The following KHDRBS2 variants were observed in gnomAD, a reference collection of about 807,000 sequenced individuals.
KHDRBS2 encodes KH domain-containing, RNA-binding, signal transduction-associated protein 2.
KHDRBS2 carries 26 observed loss-of-function variants against 44.3 expected under a neutral mutation model. The observed-to-expected ratio is 0.59, with a 90% CI of 0.43 to 0.81. The LOEUF (loss-of-function observed/expected upper bound fraction) is 0.81. KHDRBS2 is among the 40% of genes least tolerant of loss of function. The pLI, the probability that KHDRBS2 is intolerant of heterozygous loss-of-function variation, is 0.00. For missense variants in KHDRBS2, 476 were observed against 433.1 expected (o/e 1.10, Z -0.88); for synonymous variants, 194 against 151.1 (o/e 1.28, Z -2.08).
At position 62,095,614 on chromosome 6, in the gene KHDRBS2, T is replaced by C. The variant is rs368445750; in HGVS notation, c.220-47620A>G. ...ACCTAACAATGCACTTCTTAACTTA[T>C]CCCCATCATTAAGGGACATATAACT... On this transcript the variant is annotated intron_variant, in intron 2 of 8. Coordinates refer to ENST00000281156, the MANE Select transcript of KHDRBS2 (RefSeq NM_152688.4). Among the ~76,000 whole-genome samples the C allele has an allele frequency of 2.6e-5, 4 of 152,032 alleles. No individual in the cohort carries two copies. The East Asian group carries it at 7.7e-4, about 29-fold the overall frequency.
At chr6:61,816,084 C>T (rs1283073558) in intron 6 of KHDRBS2, among the ~76,000 whole-genome samples, 1 of 152,036 alleles carries the variant, frequency 6.6e-6, no homozygotes, top group Non-Finnish European at 1.5e-5. Context: ...CCTTAGACTT[C>T]TATTTGTTAA....
chr6:62,148,342 A>G (rs1814373555), intron 2 of KHDRBS2, among the ~76,000 whole-genome samples: 1 of 152,080 alleles, frequency 6.6e-6, no homozygotes, highest in African/African-American at 2.4e-5. Context: ...TGGACACTCT[A>G]TTCAACAGTA....
chr6:62,221,140 G>T (rs80300940), intron 1 of KHDRBS2, among the ~76,000 whole-genome samples: 2 of 150,124 alleles, frequency 1.3e-5, no homozygotes, highest in Non-Finnish European at 3.0e-5. Flanking sequence ...AAAAAAAAAA[G>T]ATTTTGCCAT....
At chr6:61,900,243 G>A (rs1367397832) in intron 5 of KHDRBS2, among the ~76,000 whole-genome samples, 2 of 151,650 alleles carry the variant, frequency 1.3e-5, no homozygotes, top group Non-Finnish European at 2.9e-5. Context: ...AGATATTTTT[G>A]ATTTAAGTGT....
chr6:61,848,505 A>G (rs1188136557), intron 6 of KHDRBS2, among the ~76,000 whole-genome samples: 1 of 57,714 alleles, frequency 1.7e-5, no homozygotes, highest in Non-Finnish European at 3.2e-5. Context: ...ATATATATAT[A>G]TATATGTATA....
intron 4 of KHDRBS2, among the ~76,000 whole-genome samples, chr6:61,968,867 C>A (rs1770700928): frequency 2.0e-5 from 3 of 151,918 alleles, no homozygotes; most frequent in African/African-American, 7.2e-5. Flanking sequence ...GGCTTAGATT[C>A]CACCTGTGGT....
intron 4 of KHDRBS2, among the ~76,000 whole-genome samples, chr6:61,962,468 T>G (rs576863442): frequency 6.6e-6 from 1 of 152,202 alleles, no homozygotes; most frequent in South Asian, 2.1e-4. Flanking sequence ...ATTGTATTTT[T>G]TATGTGTGGG....
intron 8 of KHDRBS2, among the ~76,000 whole-genome samples, chr6:61,693,307 A>C (rs904093831): frequency 2.6e-5 from 4 of 152,116 alleles, no homozygotes; most frequent in African/African-American, 9.7e-5. Context: ...ATCCTACTAC[A>C]TGATATCTAA....
chr6:61,667,317 G>A, the KHDRBS2 span, among the ~76,000 whole-genome samples: 1 of 150,720 alleles, frequency 6.6e-6, no homozygotes, highest in Non-Finnish European at 1.5e-5. Flanking sequence ...ACATAAATTA[G>A]AATGTTTCCA....
intron 2 of KHDRBS2, among the ~76,000 whole-genome samples, chr6:62,115,345 T>C (rs772912013): frequency 3.3e-5 from 5 of 152,158 alleles, no homozygotes; most frequent in Non-Finnish European, 5.9e-5. Context: ...CTGACTACTT[T>C]GATATCAGCA....
intron 4 of KHDRBS2, among the ~76,000 whole-genome samples, chr6:61,920,315 T>C (rs1403816861): frequency 6.6e-6 from 1 of 151,806 alleles, no homozygotes; most frequent in Non-Finnish European, 1.5e-5. Context: ...AGATCAATAA[T>C]AGTAATAAGC....
intron 2 of KHDRBS2, among the ~76,000 whole-genome samples, chr6:62,080,912 C>A (rs1043235048): frequency 6.6e-6 from 1 of 152,060 alleles, no homozygotes. Flanking sequence ...CTTATGGCAG[C>A]CTTCTTCTAT....
intron 6 of KHDRBS2, among the ~76,000 whole-genome samples, chr6:61,838,787 A>T (rs1793117602): frequency 6.6e-6 from 1 of 152,054 alleles, no homozygotes; most frequent in South Asian, 2.1e-4. Flanking sequence ...GTATTTCTGT[A>T]CTTGCTTACC....
intron 6 of KHDRBS2, among the ~76,000 whole-genome samples, chr6:61,803,067 T>A (rs1786542603): frequency 6.6e-6 from 1 of 152,194 alleles, no homozygotes; most frequent in Non-Finnish European, 1.5e-5. Context: ...TTAGTTTAAA[T>A]CTTGACTTTG....
At chr6:61,961,630 G>A (rs1255321922) in intron 4 of KHDRBS2, among the ~76,000 whole-genome samples, 3 of 152,008 alleles carry the variant, frequency 2.0e-5, no homozygotes, top group Non-Finnish European at 4.4e-5. Flanking sequence ...GAGACTTGTG[G>A]GGAGGCTTTC....
chr6:62,076,294 C>G (rs9346036), intron 2 of KHDRBS2, among the ~76,000 whole-genome samples: 40,482 of 151,838 alleles, frequency 0.27, 5,798 homozygotes, highest in East Asian at 0.41. Flanking sequence ...AAAAGGAGAA[C>G]TCATCTCATC....
chr6:62,125,325 C>T (rs1383446463), intron 2 of KHDRBS2, among the ~76,000 whole-genome samples: 1 of 152,180 alleles, frequency 6.6e-6, no homozygotes, highest in Non-Finnish European at 1.5e-5. Flanking sequence ...AGGGGAAATG[C>T]CCATTCCAGT....
At position 61,954,848 on chromosome 6, in the gene KHDRBS2, ATGC is replaced by A. The variant is rs1562513810; in HGVS notation, c.483+23215_483+23217del. Among the ~76,000 whole-genome samples the A allele has an allele frequency of 4.7e-4, 20 of 42,764 alleles. 3 individuals carry two copies. The highest frequency in any genetic ancestry group is 2.4e-3 in the African/African-American group (17 of 7,170). 28.1% of individuals were successfully genotyped at this position (42,764 alleles called of 152,430 possible). A position where few individuals can be genotyped will look rare whatever the true frequency, so the allele number is the denominator to read the frequency against. Reference sequence around the variant, plus strand: ...TACACATGCATATGTATGTATACATATGCATGTGTATATACACATACATATGTG... The same window carrying A: ...TACACATGCATATGTATGTATACATAATGTGTATATACACATACATATGTG... On this transcript the variant is annotated intron_variant, in intron 4 of 8. Coordinates refer to ENST00000281156, the MANE Select transcript of KHDRBS2 (RefSeq NM_152688.4).
intron 2 of KHDRBS2, among the ~76,000 whole-genome samples, chr6:62,048,344 TCTCAAA>T (rs1788209206): frequency 6.6e-6 from 1 of 151,900 alleles, no homozygotes. Flanking sequence ...AGGCTTTTTC[TCTCAAA>T]CTATATTATT....
Sources: allele counts gnomAD v4.1 joint callset (sites outside exome capture counted in the v4.1 genomes callset), GRCh38; gene constraint gnomAD v4.1.1; transcripts MANE v1.5; gene names NCBI Gene and HGNC (gene_info 2026-07-23, HGNC 2026-07-21).